The following ATAD5 variants were observed in gnomAD, a reference collection of about 807,000 sequenced individuals.
ATAD5 encodes the protein ATPase family AAA domain-containing protein 5.
In ATAD5, 58 loss-of-function variants were observed where a neutral mutation model predicts 176.9. The ratio of observed to expected loss-of-function variants is 0.33; its 90% CI spans 0.27 to 0.41. The LOEUF is 0.41. Ranked by LOEUF, ATAD5 falls within the 10% of genes least tolerant of loss-of-function variation. The pLI, the probability that ATAD5 is intolerant of heterozygous loss-of-function variation, is 1.00. For missense variants in ATAD5, 1,789 were observed against 2,094.1 expected, an observed-to-expected ratio of 0.85 and a Z score of 2.84; for synonymous variants, 640 against 712.6, an observed-to-expected ratio of 0.90 and a Z score of 1.62.
chr17:30,873,294 G>A (rs1024424522), intron 14 of ATAD5, among the ~76,000 whole-genome samples: 7 of 147,590 alleles, frequency 4.7e-5, no homozygotes, highest in African/African-American at 1.7e-4. Flanking sequence ...CAAGAAGGTA[G>A]TTCTTTTGGT....
rs746228997 is a variant in ATAD5, at chr17:30,876,570, A to G, written c.3784+20A>G. 6.8e-6 allele frequency: 10 copies of G among 1,466,336 alleles called. No homozygotes were observed. In the South Asian group the frequency reaches 1.3e-4, roughly 18 times the overall value. 90.8% of individuals were successfully genotyped at this position (1,466,336 alleles called of 1,614,324 possible). The stretch of plus-strand genomic sequence containing the variant: ...ATAAAGGTAAGACATTAAATTGACA[A>G]ATTTTATATTTTTTAATAATAATGA... On this transcript the variant is annotated intron_variant, in intron 15 of 22. Coordinates refer to ENST00000321990, the MANE Select transcript of ATAD5 (RefSeq NM_024857.5).
Position 30,835,058 on chromosome 17 carries a change from C to T in ATAD5, c.977C>T (p.Ala326Val), listed in dbSNP as rs141618042. Residue 326 changes from alanine to valine, a missense_variant, in exon 2 of 23, where the codon GCA becomes GTA. Physicochemically the swap from Ala to Val is moderately conservative, Grantham distance 64 (BLOSUM62 0). Coordinates refer to ENST00000321990, the MANE Select transcript of ATAD5 (RefSeq NM_024857.5). Reference sequence around the variant, plus strand: ...CGCTTTAAGACAGTTACTGTTCTTGCACAGGTTCACCCTATTCCGCCCAAA... The same window carrying T: ...CGCTTTAAGACAGTTACTGTTCTTGTACAGGTTCACCCTATTCCGCCCAAA... Reference protein sequence around the residue: ...QVRFKTVTVLAQVHPIPPKKT... With the variant: ...QVRFKTVTVLVQVHPIPPKKT... 4.1e-4 allele frequency: 661 copies of T among 1,613,908 alleles called. No individual in the cohort carries two copies. The highest frequency in any genetic ancestry group is 5.3e-4 in the Non-Finnish European group (628 of 1,180,012).
chr17:30,872,470 C>T (rs1908389117), intron 14 of ATAD5, among the ~76,000 whole-genome samples: 1 of 151,900 alleles, frequency 6.6e-6, no homozygotes, highest in African/African-American at 2.4e-5. Context: ...CAGAGCTTTG[C>T]CCAGCTGTTT....
intron 6 of ATAD5, among the ~76,000 whole-genome samples, chr17:30,848,174 G>A (rs140040459): frequency 1.0e-3 from 156 of 152,132 alleles, no homozygotes; most frequent in African/African-American, 2.8e-3. Context: ...GTTGTTGTTC[G>A]GTTTTACACT....
intron 14 of ATAD5, among the ~76,000 whole-genome samples, chr17:30,871,756 G>A (rs747904942): frequency 2.0e-5 from 3 of 152,122 alleles, no homozygotes; most frequent in Non-Finnish European, 2.9e-5. Context: ...CTGATTGCAT[G>A]TCAGACTTTG....
At chr17:30,855,696 T>C (rs538684901) in intron 7 of ATAD5, among the ~76,000 whole-genome samples, 2 of 152,034 alleles carry the variant, frequency 1.3e-5, no homozygotes, top group Admixed American at 1.3e-4. Flanking sequence ...ACTTAATTAA[T>C]TAATTAATTA....
chr17:30,868,389 GA>G lies in ATAD5; in HGVS notation c.3295del (p.Arg1099GlufsTer12). The G allele has an allele frequency of 1.9e-6, 3 of 1,566,820 alleles. No homozygotes were observed. Among genetic ancestry groups the G allele is most frequent in the South Asian group, 2.4e-5 (2 of 82,512 alleles). The part of the protein sequence containing the change: ...AELEERQNLK[G>X]KRDEKHEDFS... ...TTGGAAGAAAGGCAGAATCTGAAGGGAAAAAGAGATGAGAAACATGAAGGTA... is the reference window on the plus strand; with the variant it reads ...TTGGAAGAAAGGCAGAATCTGAAGGGAAAAGAGATGAGAAACATGAAGGTA... On this transcript the variant is annotated frameshift_variant, in exon 12 of 23. Transcript: ENST00000321990. LOFTEE classifies it high-confidence loss of function.
chr17:30,855,409 GGCT>G (rs1177796044), intron 7 of ATAD5, 82 bp downstream of exon 7: 12 of 1,332,510 alleles, frequency 9.0e-6, no homozygotes, highest in Non-Finnish European at 1.2e-5. Context: ...TTAAAGATGA[GGCT>G]GAAGTTTAAT....
intron 6 of ATAD5, among the ~76,000 whole-genome samples, chr17:30,847,717 AT>A (rs755487967): frequency 0.019 from 1,900 of 101,656 alleles, 20 homozygotes; most frequent in African/African-American, 0.059. Flanking sequence ...TGCTATGAAC[AT>A]TTTTTTTTTT....
chr17:30,852,136 T>G (rs537078550), intron 6 of ATAD5, among the ~76,000 whole-genome samples: 22 of 152,364 alleles, frequency 1.4e-4, no homozygotes, highest in African/African-American at 4.8e-4. Context: ...AGAGCTTTTT[T>G]GTCTCCTCAG....
chr17:30,850,669 C>G (rs71372241), intron 6 of ATAD5, among the ~76,000 whole-genome samples: 2 of 150,856 alleles, frequency 1.3e-5, no homozygotes, highest in African/African-American at 4.9e-5. Flanking sequence ...CCTCCAAGCT[C>G]TAAGACATCT....
intron 6 of ATAD5, among the ~76,000 whole-genome samples, chr17:30,850,869 A>ATATATATATATT (rs1555554637): frequency 6.8e-5 from 1 of 14,782 alleles, no homozygotes; most frequent in Non-Finnish European, 1.2e-4. Context: ...ATATATATAT[A>ATATATATATATT]TTTTTTTTTT....
At chr17:30,837,606 G>T (rs1262820746) in intron 3 of ATAD5, among the ~76,000 whole-genome samples, 5 of 152,204 alleles carry the variant, frequency 3.3e-5, no homozygotes, top group Non-Finnish European at 7.3e-5. Context: ...GCCGATCTTA[G>T]TTTGGGCTCC....
Position 30,850,821 on chromosome 17 carries a change from ATTTATATATTTT to A in ATAD5, c.2451-4320_2451-4309del, listed in dbSNP as rs1231169869. On this transcript the variant is annotated intron_variant, in intron 6 of 22. Coordinates refer to ENST00000321990, the MANE Select transcript of ATAD5 (RefSeq NM_024857.5). ...TTATTTTAAAGAAATTATTATTTAT[ATTTATATATTTT>A]TATATATATATATATATATATATAT... Among the ~76,000 whole-genome samples, 400 of 67,428 alleles carry A rather than the reference ATTTATATATTTT, an allele frequency of 5.9e-3. 8 individuals are homozygous for A. Among genetic ancestry groups the A allele is most frequent in the African/African-American group, 0.029 (385 of 13,248 alleles). The allele number at this position is 67,428 out of a possible 152,430, so 44.2% of individuals were successfully genotyped here. A position where few individuals can be genotyped will look rare whatever the true frequency, so the allele number is the denominator to read the frequency against.
intron 6 of ATAD5, among the ~76,000 whole-genome samples, chr17:30,850,901 T>G (rs1411249679): frequency 1.1e-5 from 1 of 94,250 alleles, no homozygotes; most frequent in Non-Finnish European, 2.1e-5. Flanking sequence ...TTTTTTTTTT[T>G]TGAGATAGAG....
chr17:30,876,473 C>T lies in ATAD5; in HGVS notation c.3707C>T (p.Thr1236Ile). 6.2e-7 allele frequency: 1 copy of T among 1,607,616 alleles called. No homozygotes were observed. The highest frequency in any genetic ancestry group is 1.1e-5 in the South Asian group (1 of 90,422). ...SGPKRALPPK[T>I]LANYFKVSPK... ...CCAAAGCGAGCACTTCCTCCCAAAA[C>T]CTTGGCAAATTATTTTAAAGTATCT... Residue 1236 changes from threonine to isoleucine, a missense_variant, in exon 15 of 23, where the codon ACC becomes ATC. This residue lies in a region of ATAD5 where 194 missense variants were observed against 270.1 expected (regional missense o/e 0.72). Coordinates refer to ENST00000321990, the MANE Select transcript of ATAD5 (RefSeq NM_024857.5).
chr17:30,852,818 C>T (rs1241141382), intron 6 of ATAD5, among the ~76,000 whole-genome samples: 2 of 151,954 alleles, frequency 1.3e-5, no homozygotes, highest in Admixed American at 6.6e-5. Context: ...AGCACCAATC[C>T]GTTCATGAGG....
intron 1 of ATAD5, among the ~76,000 whole-genome samples, chr17:30,833,677 G>A (rs1905514643): frequency 6.6e-6 from 1 of 152,080 alleles, no homozygotes; most frequent in South Asian, 2.1e-4. Flanking sequence ...TCTAATACAT[G>A]TATGGTTTCT....
intron 14 of ATAD5, 172 bp downstream of exon 14, chr17:30,869,818 C>A: frequency 1.5e-6 from 1 of 647,014 alleles, no homozygotes; most frequent in Non-Finnish European, 2.5e-6. Context: ...CATATCATTT[C>A]ACCCATACCT....
Sources: allele counts gnomAD v4.1 joint callset (sites outside exome capture counted in the v4.1 genomes callset), GRCh38; gene constraint gnomAD v4.1.1; regional missense constraint gnomAD v4.1.1; transcripts MANE v1.5; gene names NCBI Gene and HGNC (gene_info 2026-07-23, HGNC 2026-07-21).